Variants in GALK2 observed in about 807,000 individuals in gnomAD.
The protein encoded by GALK2 is galactokinase 2.
GALK2 carries 36 observed loss-of-function variants against 52.4 expected under a neutral mutation model. The observed-to-expected ratio is 0.69, with a 90% CI of 0.53 to 0.91. GALK2 has a LOEUF of 0.91. Among genes scored for constraint, GALK2 ranks in the 40% least tolerant of loss-of-function variants. GALK2 has a pLI of 0.00. For missense variants in GALK2, 579 were observed against 559.1 expected (o/e 1.04, Z -0.36); for synonymous variants, 176 against 199.1 (o/e 0.88, Z 0.98).
At position 49,183,976 on chromosome 15, in the gene GALK2, T is replaced by G. The variant is rs879484614; in HGVS notation, c.53+13601T>G. Among the ~76,000 whole-genome samples, 45 of 152,196 alleles carry G rather than the reference T, an allele frequency of 3.0e-4. 1 individual carries two copies. Among genetic ancestry groups the G allele is most frequent in the Non-Finnish European group, 3.1e-4 (21 of 68,036 alleles). On this transcript the variant is annotated intron_variant, in intron 1 of 9. Coordinates refer to ENST00000560031, the MANE Select transcript of GALK2 (RefSeq NM_002044.4). ...TGAAATGTTCTGTAAATAACTATTATTAGGTCCATTTGTTATAGTGCAGAT... is the reference window on the plus strand; with the variant it reads ...TGAAATGTTCTGTAAATAACTATTAGTAGGTCCATTTGTTATAGTGCAGAT...
chr15:49,198,857 CCCTCCCTT>C (rs1292295244), intron 1 of GALK2: 3 of 138,088 alleles, frequency 2.2e-5, no homozygotes, highest in African/African-American at 5.4e-5. Context: ...CTCCCTCCCT[CCCTCCCTT>C]CCTTCCTTCC....
intron 9 of GALK2, among the ~76,000 whole-genome samples, chr15:49,323,729 G>T (rs989349841): frequency 2.4e-4 from 36 of 152,314 alleles, no homozygotes; most frequent in Non-Finnish European, 4.1e-4. Context: ...GAGAAGGGGG[G>T]TTGGGAAAGA....
At chr15:49,317,998 G>T (rs1251136558) in intron 8 of GALK2, 2 of 152,000 alleles carry the variant, frequency 1.3e-5, no homozygotes, top group South Asian at 2.1e-4. Context: ...CCATGGCATG[G>T]TATATCTATG....
intron 1 of GALK2, among the ~76,000 whole-genome samples, chr15:49,187,135 C>G (rs931589905): frequency 3.3e-5 from 5 of 152,188 alleles, no homozygotes; most frequent in African/African-American, 1.2e-4. Context: ...GTCACTGCAG[C>G]TATATCTTTA....
intron 5 of GALK2, among the ~76,000 whole-genome samples, chr15:49,245,658 C>CATCTT: frequency 6.6e-6 from 1 of 152,232 alleles, no homozygotes; most frequent in South Asian, 2.1e-4. Flanking sequence ...AAAATACAGG[C>CATCTT]ATCTTCCATT....
At chr15:49,307,540 T>G (rs1462630970) in intron 8 of GALK2, among the ~76,000 whole-genome samples, 1 of 152,044 alleles carries the variant, frequency 6.6e-6, no homozygotes, top group Admixed American at 6.5e-5. Flanking sequence ...GAGGGTAGAA[T>G]GGAAAGAAGA....
intron 5 of GALK2, among the ~76,000 whole-genome samples, chr15:49,258,827 TGTGA>T (rs1350258274): frequency 4.9e-5 from 6 of 123,624 alleles, no homozygotes; most frequent in South Asian, 2.8e-4. Flanking sequence ...TGTGTGTGTG[TGTGA>T]GAGAGAGAGA....
chr15:49,298,516 T>G (rs1414418227), intron 8 of GALK2, among the ~76,000 whole-genome samples: 3 of 152,174 alleles, frequency 2.0e-5, no homozygotes, highest in Non-Finnish European at 2.9e-5. Context: ...GCCTCTAGCT[T>G]TTGCCTGTTT....
intron 5 of GALK2, among the ~76,000 whole-genome samples, chr15:49,257,980 A>G (rs1183764100): frequency 6.7e-6 from 1 of 150,352 alleles, no homozygotes; most frequent in Non-Finnish European, 1.5e-5. Context: ...ATTTTATTTA[A>G]TTAGAAATTA....
chr15:49,346,341 G>A (rs2041504562), intron 3 of GALK2, among the ~76,000 whole-genome samples: 1 of 152,126 alleles, frequency 6.6e-6, no homozygotes, highest in Non-Finnish European at 1.5e-5. Context: ...CCTACAAAAT[G>A]CTATGAAGCC....
upstream of GALK2, among the ~76,000 whole-genome samples, chr15:49,166,839 A>G (rs1464754242): frequency 6.6e-6 from 1 of 152,274 alleles, no homozygotes; most frequent in Non-Finnish European, 1.5e-5. Flanking sequence ...CCAATTGTGA[A>G]CAATAGTTTT....
rs2087753091 is a variant in GALK2, at chr15:49,201,312, A to T, written c.142+62A>T. ...ATCCTTTGATAAGATCTAAATTTTTAAAAATATATTTCTTTCTTAATTTTT... is the reference window on the plus strand; with the variant it reads ...ATCCTTTGATAAGATCTAAATTTTTTAAAATATATTTCTTTCTTAATTTTT... On this transcript the variant is annotated intron_variant, in intron 2 of 9. Transcript: ENST00000560031. 1.7e-5 allele frequency: 15 copies of T among 858,872 alleles called. 1 individual carries two copies. In the East Asian group the frequency reaches 3.5e-4, roughly 20 times the overall value. The allele number at this position is 858,872 out of a possible 1,614,324, so 53.2% of individuals were successfully genotyped here. A position where few individuals can be genotyped will look rare whatever the true frequency, so the allele number is the denominator to read the frequency against.
At position 49,225,296 on chromosome 15, in the gene GALK2, C is replaced by G. The variant is rs1236557460; in HGVS notation, c.266+7983C>G. On this transcript the variant is annotated intron_variant, in intron 3 of 9. Transcript: ENST00000560031. The stretch of plus-strand genomic sequence containing the variant: ...GACTGGTCCTGTAGAGCAGGGTTCC[C>G]CAATCCCTGTTACTGCTTCATGGCC... 3 of 453,508 alleles carry G rather than the reference C, an allele frequency of 6.6e-6. No individual in the cohort carries two copies. The East Asian group carries it at 2.1e-4, about 32-fold the overall frequency. 28.1% of individuals were successfully genotyped at this position (453,508 alleles called of 1,614,324 possible).
chr15:49,186,630 C>G (rs1469983405), intron 1 of GALK2, among the ~76,000 whole-genome samples: 1 of 150,772 alleles, frequency 6.6e-6, no homozygotes, highest in East Asian at 2.0e-4. Flanking sequence ...ACCTCCGCCT[C>G]CCGGGTTCAA....
At chr15:49,256,597 C>G (rs964199962) in intron 5 of GALK2, among the ~76,000 whole-genome samples, 1 of 152,130 alleles carries the variant, frequency 6.6e-6, no homozygotes, top group East Asian at 1.9e-4. Flanking sequence ...GAACCATTCA[C>G]GTATATTTGC....
Position 49,249,718 on chromosome 15 carries a change from G to A in GALK2, c.504+10351G>A, listed in dbSNP as rs866003089. ...CTTAGAAGCAAAATTTATTCAAAGA[G>A]CTGTGCTAACATTCTTAAATATCTG... On this transcript the variant is annotated intron_variant, in intron 5 of 9. Transcript: ENST00000560031. Among the ~76,000 whole-genome samples the A allele has an allele frequency of 2.6e-5, 4 of 152,286 alleles. No individual in the cohort carries two copies. The Middle Eastern group carries it at 0.01, about 388-fold the overall frequency.
chr15:49,320,933 G>A (rs1157673189), intron 9 of GALK2, among the ~76,000 whole-genome samples: 2 of 152,170 alleles, frequency 1.3e-5, no homozygotes, highest in Admixed American at 6.5e-5. Flanking sequence ...TGGGATGGTT[G>A]GAATCCCACC....
At chr15:49,209,598 G>T (rs976454559) in intron 2 of GALK2, among the ~76,000 whole-genome samples, 1 of 152,038 alleles carries the variant, frequency 6.6e-6, no homozygotes, top group African/African-American at 2.4e-5. Flanking sequence ...GATTATATGG[G>T]TTTTGTCCTT....
At chr15:49,234,433 A>G (rs968185854) in intron 3 of GALK2, among the ~76,000 whole-genome samples, 1 of 152,176 alleles carries the variant, frequency 6.6e-6, no homozygotes, top group African/African-American at 2.4e-5. Context: ...GTTAATAGAG[A>G]AAAACCCTAG....
Sources: gnomAD v4.1 joint callset for allele counts (sites outside exome capture counted in the v4.1 genomes callset) on GRCh38, gnomAD v4.1.1 for gene constraint, MANE v1.5 for transcripts, NCBI Gene and HGNC (gene_info 2026-07-23, HGNC 2026-07-21) for gene names.